PCDHA4: variants seen among roughly 807,000 people sequenced by gnomAD.
PCDHA4 encodes the protein protocadherin alpha 4, also known as protocadherin alpha-4.
A neutral mutation model predicts 61.4 loss-of-function variants in PCDHA4; 49 were observed. The ratio of observed to expected loss-of-function variants is 0.80; its 90% CI spans 0.63 to 1.01. The LOEUF is 1.01. Ranked by LOEUF, PCDHA4 falls within the 50% of genes least tolerant of loss-of-function variation. The pLI is 0.00. For missense variants in PCDHA4, 1,254 were observed against 1,235.8 expected (o/e 1.01, Z -0.22); for synonymous variants, 590 against 550.3 (o/e 1.07, Z -1.01).
At chr5:140,952,009 G>A (rs780606946) in intron 1 of PCDHA4, among the ~76,000 whole-genome samples, 1 of 152,102 alleles carries the variant, frequency 6.6e-6, no homozygotes, top group African/African-American at 2.4e-5. Flanking sequence ...AGAATTATAG[G>A]CCCCATGCAA....
chr5:140,871,973 T>C (rs2053419799), intron 1 of PCDHA4, among the ~76,000 whole-genome samples: 1 of 152,254 alleles, frequency 6.6e-6, no homozygotes, highest in African/African-American at 2.4e-5. Context: ...CTTCCTATGA[T>C]GTCCAGGTTG....
intron 1 of PCDHA4, chr5:140,850,309 C>G (rs781788388): frequency 6.3e-7 from 1 of 1,596,972 alleles, no homozygotes; most frequent in East Asian, 2.2e-5. Flanking sequence ...GGCTACAACG[C>G]GTGGCTTTCA....
intron 1 of PCDHA4, chr5:140,929,269 A>G (rs138062218): frequency 3.0e-5 from 49 of 1,611,106 alleles, no homozygotes; most frequent in African/African-American, 5.3e-5. Context: ...GAATTTGCCA[A>G]TATCCTGTAT....
Position 140,808,702 on chromosome 5 carries a change from G to T in PCDHA4, c.1515G>T (p.Ser505=). Residue 505 remains serine (S), a synonymous_variant, in exon 1 of 4, where the codon TCG becomes TCT. Transcript: ENST00000530339. ...VERRVGERAL[S]SYVSVHAESG... is the part of the protein sequence containing the mutation. ...GGCGGGTAGGGGAGCGCGCGCTGTCGAGCTACGTTTCGGTGCATGCGGAGA... is the reference window on the plus strand; with the variant it reads ...GGCGGGTAGGGGAGCGCGCGCTGTCTAGCTACGTTTCGGTGCATGCGGAGA... The T allele has an allele frequency of 1.9e-6, 3 of 1,612,168 alleles. No homozygotes were observed. The highest frequency in any genetic ancestry group is 1.1e-5 in the South Asian group (1 of 91,012).
chr5:140,872,015 G>T (rs1322069149), intron 1 of PCDHA4, among the ~76,000 whole-genome samples: 3 of 152,208 alleles, frequency 2.0e-5, no homozygotes, highest in Non-Finnish European at 4.4e-5. Flanking sequence ...GTGACCTGTA[G>T]CCTGGAACTG....
In PCDHA4 at chr5:140,835,966, T is replaced by C. The variant is rs2150249207; in HGVS notation, c.2385+26394T>C. The C allele has an allele frequency of 5.6e-6, 9 of 1,613,230 alleles. 1 individual carries two copies. In the South Asian group the frequency reaches 8.8e-5, roughly 16 times the overall value. On this transcript the variant is annotated intron_variant, in intron 1 of 3. Transcript: ENST00000530339. ...CTGCAGCCGTTGGACCACGAGGAGC[T>C]GGAGCTGTTGCAGTTCCAGGTGAGC... is the stretch of plus-strand genomic sequence containing the variant.
intron 1 of PCDHA4, chr5:140,878,248 C>A (rs1449904760): frequency 6.5e-6 from 1 of 154,860 alleles, no homozygotes; most frequent in African/African-American, 2.4e-5. Flanking sequence ...TTAACTCTTC[C>A]TCACGTGCTT....
intron 1 of PCDHA4, among the ~76,000 whole-genome samples, chr5:140,958,944 T>G (rs199974895): frequency 1.0e-5 from 1 of 100,018 alleles, no homozygotes; most frequent in African/African-American, 4.8e-5. Context: ...TGTAATAATA[T>G]TATATTATTA....
At chr5:140,999,049 A>G (rs962383659) in intron 3 of PCDHA4, among the ~76,000 whole-genome samples, 2 of 152,332 alleles carry the variant, frequency 1.3e-5, no homozygotes, top group Non-Finnish European at 2.9e-5. Context: ...TGTGCTTTCC[A>G]CCATGCCTAA....
chr5:140,927,974 T>C (rs1554205324), intron 1 of PCDHA4: 3 of 1,614,098 alleles, frequency 1.9e-6, no homozygotes, highest in Non-Finnish European at 2.5e-6. Context: ...GTGATTGCTC[T>C]CTTTAGTGTA....
chr5:140,873,191 C>T (rs1554166611), intron 1 of PCDHA4, among the ~76,000 whole-genome samples: 1 of 151,960 alleles, frequency 6.6e-6, no homozygotes, highest in African/African-American at 2.4e-5. Context: ...TATTCATTGG[C>T]TAAAAACATT....
In PCDHA4 at chr5:140,857,614, G is replaced by A. The variant is rs1554150351; in HGVS notation, c.2385+48042G>A. ...GCAAGGTGTACGCGCTGCAGCCGCT[G>A]GACCACGAGGAGCTGGAGCTGCTAC... On this transcript the variant is annotated intron_variant, in intron 1 of 3. Transcript: ENST00000530339. 4 of 1,596,618 alleles carry A rather than the reference G, an allele frequency of 2.5e-6. 1 individual carries two copies. Among genetic ancestry groups the A allele is most frequent in the South Asian group, 1.1e-5 (1 of 90,494 alleles).
At chr5:140,914,562 C>A (rs2076761052) in intron 1 of PCDHA4, among the ~76,000 whole-genome samples, 1 of 152,190 alleles carries the variant, frequency 6.6e-6, no homozygotes, top group East Asian at 1.9e-4. Flanking sequence ...AGAGTTTAGT[C>A]CATTTACATT....
intron 1 of PCDHA4, chr5:140,966,887 G>A: frequency 6.3e-7 from 1 of 1,592,682 alleles, no homozygotes. Flanking sequence ...TGGCCCTGCG[G>A]CCTCCCAGCT....
chr5:140,953,951 A>C (rs1554221165), intron 1 of PCDHA4, among the ~76,000 whole-genome samples: 1 of 151,876 alleles, frequency 6.6e-6, no homozygotes, highest in Admixed American at 6.6e-5. Context: ...TGCTCCCCCA[A>C]CAGGCCCCAG....
At chr5:140,926,117 A>G (rs2082917656) in intron 1 of PCDHA4, among the ~76,000 whole-genome samples, 1 of 152,190 alleles carries the variant, frequency 6.6e-6, no homozygotes, top group Admixed American at 6.5e-5. Flanking sequence ...GGTGCAGGAC[A>G]GACTTCAACC....
chr5:140,891,635 G>A (rs1266162781), intron 1 of PCDHA4, among the ~76,000 whole-genome samples: 3 of 151,868 alleles, frequency 2.0e-5, no homozygotes, highest in African/African-American at 7.3e-5. Context: ...TTTGCTCTTT[G>A]GGCTTTATTG....
Position 140,967,862 on chromosome 5 carries a change from G to T in PCDHA4, c.2386-11087G>T, listed in dbSNP as rs781878230. On this transcript the variant is annotated intron_variant, in intron 1 of 3. Transcript: ENST00000530339. ...CGTGAATGACAATGCCCCAGAGGTG[G>T]TGCTCACGGACCTGTATAGCCCAGT... The T allele has an allele frequency of 8.1e-6, 13 of 1,614,170 alleles. No individual in the cohort carries two copies. The East Asian group carries it at 2.5e-4, about 30-fold the overall frequency.
intron 1 of PCDHA4, among the ~76,000 whole-genome samples, chr5:140,905,945 T>C (rs2072222090): frequency 6.6e-6 from 1 of 152,150 alleles, no homozygotes; most frequent in Non-Finnish European, 1.5e-5. Flanking sequence ...GAACTTGGAA[T>C]CCGATGTTCA....
Sources: gnomAD v4.1 joint callset for allele counts (sites outside exome capture counted in the v4.1 genomes callset) on GRCh38, gnomAD v4.1.1 for gene constraint, MANE v1.5 for transcripts, NCBI Gene and HGNC (gene_info 2026-07-23, HGNC 2026-07-21) for gene names.